Variants in DIP2A observed in about 807,000 individuals in gnomAD.
DIP2A encodes disco-interacting protein 2 homolog A.
A neutral mutation model predicts 177.4 loss-of-function variants in DIP2A; 85 were observed. The ratio of observed to expected loss-of-function variants is 0.48; its 90% CI spans 0.40 to 0.57. DIP2A has a LOEUF of 0.57. Ranked by LOEUF, DIP2A falls within the 20% of genes least tolerant of loss-of-function variation. The pLI is 0.00. For synonymous variants in DIP2A, 886 were observed against 881.8 expected (o/e 1.00, Z -0.08); for missense variants, 1,791 against 2,100.2 (o/e 0.85, Z 2.88).
chr21:46,541,956 T>C, intron 18 of DIP2A, 61 bp downstream of exon 18: 1 of 1,603,310 alleles, frequency 6.2e-7, no homozygotes. Flanking sequence ...GAAAAGGGTT[T>C]TGTTTTGTTT....
intron 5 of DIP2A, among the ~76,000 whole-genome samples, chr21:46,503,095 G>A (rs1240551539): frequency 1.3e-5 from 2 of 152,150 alleles, no homozygotes; most frequent in Non-Finnish European, 2.9e-5. Context: ...GGCCGAGGTG[G>A]TTGGATCACT....
Position 46,459,020 on chromosome 21 carries a change from C to G in DIP2A, c.-112C>G, listed in dbSNP as rs1288402633. The G allele has an allele frequency of 1.1e-6, 1 of 895,986 alleles. No individual in the cohort carries two copies. Among genetic ancestry groups the G allele is most frequent in the African/African-American group, 1.8e-5 (1 of 56,524 alleles). 55.5% of individuals were successfully genotyped at this position (895,986 alleles called of 1,614,324 possible). A position where few individuals can be genotyped will look rare whatever the true frequency, so the allele number is the denominator to read the frequency against. ...CTGTCCCGCCGCCTCCCGCTCCTCG[C>G]CTGGCGGATGTAGGTTGTTGGCCTG... On this transcript the variant is annotated 5_prime_UTR_variant, in exon 1 of 38. Transcript: ENST00000417564.
intron 4 of DIP2A, among the ~76,000 whole-genome samples, chr21:46,497,508 T>C (rs1324454532): frequency 3.3e-5 from 5 of 152,238 alleles, no homozygotes; most frequent in East Asian, 1.9e-4. Context: ...CCAGGACTTA[T>C]ATGCAACAGT....
Position 46,558,277 on chromosome 21 carries a change from C to T in DIP2A, c.3853C>T (p.Arg1285Trp), listed in dbSNP as rs766152617. The T allele has an allele frequency of 1.9e-6, 3 of 1,612,422 alleles. No individual in the cohort carries two copies. Among genetic ancestry groups the T allele is most frequent in the Admixed American group, 1.7e-5 (1 of 59,970 alleles). ...VRTCMVVAEE[R>W]PRIALTQSFS... ...CACGTGCATGGTGGTCGCCGAGGAGCGGCCCAGGATTGCGCTGACCCAGTC... is the reference window on the plus strand; with the variant it reads ...CACGTGCATGGTGGTCGCCGAGGAGTGGCCCAGGATTGCGCTGACCCAGTC... Residue 1285 changes from arginine (R) to tryptophan (W), a missense_variant, in exon 32 of 38, where the codon CGG becomes TGG. Arg to Trp is a moderately radical substitution (Grantham distance 101). Transcript: ENST00000417564.
chr21:46,546,846 G>A, intron 20 of DIP2A, 69 bp from the exon 21 acceptor site: 5 of 1,577,574 alleles, frequency 3.2e-6, no homozygotes, highest in Non-Finnish European at 4.3e-6. Flanking sequence ...TGGGGGGCCT[G>A]ACCATGGTCC....
At chr21:46,546,177 C>T (rs188153830) in intron 20 of DIP2A, 80 of 1,328,376 alleles carry the variant, frequency 6.0e-5, no homozygotes, top group South Asian at 2.0e-4. Context: ...AGGCCTGAGT[C>T]GGGGGTCCCC....
At chr21:46,515,205 C>A (rs545540641) in intron 8 of DIP2A, among the ~76,000 whole-genome samples, 1 of 152,350 alleles carries the variant, frequency 6.6e-6, no homozygotes, top group Non-Finnish European at 1.5e-5. Context: ...GCAGAGCAGT[C>A]CCTGGCCAAT....
At chr21:46,494,585 A>G (rs1223853565) in intron 3 of DIP2A, among the ~76,000 whole-genome samples, 10 of 152,248 alleles carry the variant, frequency 6.6e-5, no homozygotes, top group African/African-American at 2.4e-4. Context: ...TCTGTTATTT[A>G]CAACTTGGTA....
At chr21:46,500,083 C>G (rs2057569160) in intron 5 of DIP2A, among the ~76,000 whole-genome samples, 1 of 152,206 alleles carries the variant, frequency 6.6e-6, no homozygotes, top group Non-Finnish European at 1.5e-5. Flanking sequence ...CCCACAGCTT[C>G]TGTCTCATCA....
intron 17 of DIP2A, 100 bp from the exon 18 acceptor site, chr21:46,541,656 A>T (rs777072842): frequency 7.3e-7 from 1 of 1,362,486 alleles, no homozygotes; most frequent in Non-Finnish European, 1.0e-6. Context: ...AACATGGAGC[A>T]GTGGCTTTGG....
rs113169103 is a variant in DIP2A, at chr21:46,567,347, C to T, written c.4464-23C>T. The stretch of plus-strand genomic sequence containing the variant: ...GTGACCTGTGCCTGTATCCATGTGA[C>T]CCAGTCTGTCTTCTCTCTGCAGTGC... On this transcript the variant is annotated intron_variant, in intron 37 of 37. Transcript: ENST00000417564. The T allele has an allele frequency of 5.6e-6, 9 of 1,602,366 alleles. No homozygotes were observed. The African/African-American group carries it at 1.2e-4, about 21-fold the overall frequency.
chr21:46,544,569 G>A (rs1410675987), intron 18 of DIP2A, among the ~76,000 whole-genome samples: 1 of 152,176 alleles, frequency 6.6e-6, no homozygotes, highest in African/African-American at 2.4e-5. Flanking sequence ...GCAGCATCAA[G>A]GTTGTTTTGG....
In DIP2A at chr21:46,555,702, A is replaced by G. The variant is rs112944180; in HGVS notation, c.3389-280A>G. The G allele has an allele frequency of 1.4e-4, 64 of 449,074 alleles. 2 individuals are homozygous for G. The highest frequency in any genetic ancestry group is 9.3e-4 in the African/African-American group (46 of 49,570). 27.8% of individuals were successfully genotyped at this position (449,074 alleles called of 1,614,324 possible). A position where few individuals can be genotyped will look rare whatever the true frequency, so the allele number is the denominator to read the frequency against. On this transcript the variant is annotated intron_variant, in intron 28 of 37. Transcript: ENST00000417564. ...AATCCCTAGTCCTCTAATCTTTCCT[A>G]CTGGTCAGTGACGTGATGCCTCCCC...
intron 21 of DIP2A, 157 bp downstream of exon 21, chr21:46,547,199 C>T (rs980641078): frequency 1.7e-5 from 24 of 1,420,504 alleles, no homozygotes; most frequent in Non-Finnish European, 2.0e-5. Context: ...AAAATATTTG[C>T]AGCAATGATA....
In DIP2A at chr21:46,534,578, C is replaced by CT. The variant is rs1401127016; in HGVS notation, c.1540-4dup. 3.7e-6 allele frequency: 6 copies of CT among 1,612,286 alleles called. No homozygotes were observed. Among genetic ancestry groups the CT allele is most frequent in the African/African-American group, 1.3e-5 (1 of 74,980 alleles). On this transcript the variant is annotated splice_polypyrimidine_tract_variant and splice_region_variant and intron_variant, in intron 12 of 37. Transcript: ENST00000417564. ...CACATCATGTTTTTTTCCTTGAAATCTTTCAGTATAAAACCAGCAAAGAAG... is the reference window on the plus strand; with the variant it reads ...CACATCATGTTTTTTTCCTTGAAATCTTTTCAGTATAAAACCAGCAAAGAAG...
chr21:46,574,304 G>A (rs1266599418), downstream of DIP2A, among the ~76,000 whole-genome samples: 2 of 152,014 alleles, frequency 1.3e-5, no homozygotes, highest in African/African-American at 4.8e-5. Flanking sequence ...TAAAAACAAT[G>A]TACCAAAACT....
At chr21:46,502,667 C>T (rs1428699648) in intron 5 of DIP2A, among the ~76,000 whole-genome samples, 1 of 151,936 alleles carries the variant, frequency 6.6e-6, no homozygotes, top group Non-Finnish European at 1.5e-5. Context: ...AGGCCATTCT[C>T]GAACTCCTGA....
Position 46,547,008 on chromosome 21 carries a change from G to A in DIP2A, c.2488G>A (p.Ala830Thr), listed in dbSNP as rs376532274. The A allele has an allele frequency of 6.2e-7, 1 of 1,613,874 alleles. No homozygotes were observed. Among genetic ancestry groups the A allele is most frequent in the Non-Finnish European group, 8.5e-7 (1 of 1,179,884 alleles). ...AGATGACGTTGTGGCCACCGCACTG[G>A]CCGTGGAGCCCATGAAGTTTGTCTA... Reference protein sequence around the residue: ...NADDVVATALAVEPMKFVYRG... With the variant: ...NADDVVATALTVEPMKFVYRG... Residue 830 changes from alanine to threonine, a missense_variant, in exon 21 of 38, where the codon GCC (alanine) becomes ACC (threonine). Transcript: ENST00000417564.
rs1458742715 is a variant in DIP2A at position 46,544,998 on chromosome 21, G to A, written c.2177-139G>A. 4.2e-5 allele frequency: 27 copies of A among 646,808 alleles called. No homozygotes were observed. In the East Asian group the frequency reaches 7.4e-4, roughly 18 times the overall value. The allele number at this position is 646,808 out of a possible 1,614,324, so 40.1% of individuals were successfully genotyped here. Reference sequence around the variant, plus strand: ...GCTAGGTAGCATGTGTATCATCTGTGTCATAAAACTCCTTATAAGAAGGTG... The same window carrying A: ...GCTAGGTAGCATGTGTATCATCTGTATCATAAAACTCCTTATAAGAAGGTG... On this transcript the variant is annotated intron_variant, in intron 18 of 37. Transcript: ENST00000417564.
Sources: allele counts gnomAD v4.1 joint callset (sites outside exome capture counted in the v4.1 genomes callset), GRCh38; gene constraint gnomAD v4.1.1; transcripts MANE v1.5; gene names NCBI Gene and HGNC (gene_info 2026-07-23, HGNC 2026-07-21).